NDUFA5: variants seen among roughly 807,000 people sequenced by gnomAD.
The protein encoded by NDUFA5 is NADH:ubiquinone oxidoreductase subunit A5.
A neutral mutation model predicts 19.8 loss-of-function variants in NDUFA5; 11 were observed. The ratio of observed to expected loss-of-function variants is 0.56; its 90% CI spans 0.35 to 0.92. The LOEUF is 0.92. Among genes scored for constraint, NDUFA5 ranks in the 40% least tolerant of loss-of-function variants. NDUFA5 has a pLI of 0.01. For synonymous variants in NDUFA5, 47 were observed against 46.8 expected (o/e 1.00, Z -0.01); for missense variants, 109 against 134.2 (o/e 0.81, Z 0.93).
the NDUFA5 span, among the ~76,000 whole-genome samples, chr7:123,592,784 G>A: frequency 3.3e-5 from 5 of 152,128 alleles, no homozygotes; most frequent in African/African-American, 1.2e-4. Flanking sequence ...GGAGAGTTCT[G>A]TAGATGTGCA....
intron 2 of NDUFA5, among the ~76,000 whole-genome samples, chr7:123,553,789 T>C (rs988717872): frequency 2.6e-5 from 4 of 152,126 alleles, no homozygotes; most frequent in Non-Finnish European, 5.9e-5. Context: ...CCTCATAGGG[T>C]ATATACAACT....
chr7:123,546,243 G>A lies in NDUFA5; in HGVS notation c.184-567C>T, dbSNP rs78228468. 2.6e-3 allele frequency among the ~76,000 whole-genome samples: 397 copies of A among 152,194 alleles called. 3 individuals are homozygous for A. Among genetic ancestry groups the A allele is most frequent in the African/African-American group, 8.5e-3 (355 of 41,534 alleles). Reference sequence around the variant, plus strand: ...ATAAACTGTATGCAACAATATAGGTGATTCTCTTAACCACAGTATTAAGCA... The same window carrying A: ...ATAAACTGTATGCAACAATATAGGTAATTCTCTTAACCACAGTATTAAGCA... On this transcript the variant is annotated intron_variant, in intron 3 of 4. Transcript: ENST00000355749.
At chr7:123,545,709 G>A in intron 3 of NDUFA5, 33 bp from the exon 4 acceptor site, 2 of 1,425,054 alleles carry the variant, frequency 1.4e-6, no homozygotes, top group Non-Finnish European at 2.0e-6. Flanking sequence ...AATTAAAGAA[G>A]CATACTAACT....
chr7:123,550,101 A>C (rs1212529391), intron 3 of NDUFA5: 1 of 178,720 alleles, frequency 5.6e-6, no homozygotes, highest in African/African-American at 2.4e-5. Flanking sequence ...TTTGAAAAAA[A>C]AATGCCCTTT....
At chr7:123,598,013 C>G in the NDUFA5 span, among the ~76,000 whole-genome samples, 1 of 144,348 alleles carries the variant, frequency 6.9e-6, no homozygotes, top group Non-Finnish European at 1.5e-5. Flanking sequence ...CATCTCTCTA[C>G]TTGTTTGTCT....
the NDUFA5 span, among the ~76,000 whole-genome samples, chr7:123,566,018 A>G: frequency 0.42 from 61,308 of 144,672 alleles, 12,440 homozygotes; most frequent in South Asian, 0.48. Context: ...GACTCCGTCT[A>G]AAAAAAAAAA....
the NDUFA5 span, among the ~76,000 whole-genome samples, chr7:123,595,551 C>A: frequency 3.2e-3 from 487 of 152,298 alleles, 3 homozygotes; most frequent in African/African-American, 0.011. Flanking sequence ...TACCACAATT[C>A]ATTTTCTTAC....
rs34744524 is a variant in NDUFA5, at chr7:123,552,179, TAAAAAA to T, written c.67-1599_67-1594del. On this transcript the variant is annotated intron_variant, in intron 2 of 4. Coordinates refer to ENST00000355749, the MANE Select transcript of NDUFA5 (RefSeq NM_005000.5). ...CTAAAGAGCAACCTTTTTTTTCAATTAAAAAAAAAAAATGTGTGCAGTCCTCACTAT... is the reference window on the plus strand; with the variant it reads ...CTAAAGAGCAACCTTTTTTTTCAATTAAAAAATGTGTGCAGTCCTCACTAT... 4.8e-5 allele frequency among the ~76,000 whole-genome samples: 7 copies of T among 144,394 alleles called. No individual in the cohort carries two copies. The East Asian group carries it at 1.4e-3, about 29-fold the overall frequency. 94.7% of individuals were successfully genotyped at this position (144,394 alleles called of 152,430 possible).
chr7:123,573,885 TA>T, the NDUFA5 span, among the ~76,000 whole-genome samples: 17 of 151,364 alleles, frequency 1.1e-4, no homozygotes, highest in South Asian at 1.9e-3. Context: ...TCTTATTAAT[TA>T]AAAAAAAACT....
intron 2 of NDUFA5, among the ~76,000 whole-genome samples, chr7:123,552,307 T>C (rs905666796): frequency 4.6e-5 from 7 of 151,666 alleles, no homozygotes; most frequent in African/African-American, 1.7e-4. Context: ...TATGCAGCCA[T>C]AAAAAAGGAT....
intron 3 of NDUFA5, 33 bp downstream of exon 3, chr7:123,550,437 A>ATACTGGATAC (rs1296804646): frequency 2.1e-6 from 3 of 1,423,968 alleles, no homozygotes; most frequent in Non-Finnish European, 2.9e-6. Flanking sequence ...GTTAAATGTT[A>ATACTGGATAC]CACAAGACAA....
intron 3 of NDUFA5, among the ~76,000 whole-genome samples, chr7:123,547,854 T>C (rs1325362125): frequency 6.6e-6 from 1 of 152,186 alleles, no homozygotes; most frequent in Admixed American, 6.5e-5. Context: ...TACCATGTAC[T>C]GAATGCTCAC....
chr7:123,576,462 C>T, the NDUFA5 span, among the ~76,000 whole-genome samples: 5 of 151,990 alleles, frequency 3.3e-5, no homozygotes, highest in Admixed American at 1.3e-4. Context: ...CTATATTTTT[C>T]ATAGTGTCTT....
chr7:123,561,577 T>C (rs972670539), upstream of NDUFA5, among the ~76,000 whole-genome samples: 2 of 150,710 alleles, frequency 1.3e-5, no homozygotes, highest in African/African-American at 4.9e-5. Context: ...CCTGTTAATA[T>C]TGATATTTTG....
chr7:123,585,407 T>C, the NDUFA5 span, among the ~76,000 whole-genome samples: 3 of 151,804 alleles, frequency 2.0e-5, no homozygotes, highest in African/African-American at 4.8e-5. Flanking sequence ...ACACATTACA[T>C]GTAGGAATGC....
At chr7:123,594,454 A>AT in the NDUFA5 span, among the ~76,000 whole-genome samples, 1 of 152,020 alleles carries the variant, frequency 6.6e-6, no homozygotes. Flanking sequence ...TGACCTACGT[A>AT]TGGGGTTTTG....
upstream of NDUFA5, among the ~76,000 whole-genome samples, chr7:123,558,414 TG>T (rs1252233535): frequency 6.6e-6 from 1 of 152,200 alleles, no homozygotes; most frequent in Non-Finnish European, 1.5e-5. Flanking sequence ...CCACAAACAC[TG>T]ACCACTCACT....
chr7:123,541,304 A>G lies in NDUFA5; in HGVS notation c.*815T>C, dbSNP rs1382198172. The stretch of plus-strand genomic sequence containing the variant: ...CTATCCTGATGTAATTAGGTTGATT[A>G]AGAAAATTAAAGGCCACGGGCCAGA... On this transcript the variant is annotated 3_prime_UTR_variant, in exon 5 of 5. Transcript: ENST00000355749. 2.0e-5 allele frequency: 3 copies of G among 152,210 alleles called. No homozygotes were observed. The highest frequency in any genetic ancestry group is 4.4e-5 in the Non-Finnish European group (3 of 68,030). The allele number at this position is 152,210 out of a possible 1,614,324, so 9.4% of individuals were successfully genotyped here.
chr7:123,556,393 C>G (rs2116199443), intron 2 of NDUFA5: 1 of 155,334 alleles, frequency 6.4e-6, no homozygotes, highest in East Asian at 1.9e-4. Context: ...TAAAACCGTT[C>G]TCTATTTGGA....
Sources: gnomAD v4.1 joint callset for allele counts (sites outside exome capture counted in the v4.1 genomes callset) on GRCh38, gnomAD v4.1.1 for gene constraint, MANE v1.5 for transcripts, NCBI Gene and HGNC (gene_info 2026-07-23, HGNC 2026-07-21) for gene names.